Variants in ARHGEF4 observed in about 807,000 individuals in gnomAD.
The protein encoded by ARHGEF4 is Rho guanine nucleotide exchange factor 4.
ARHGEF4 carries 119 observed loss-of-function variants against 162.0 expected under a neutral mutation model. The ratio of observed to expected loss-of-function variants is 0.73; its 90% CI spans 0.63 to 0.86. The LOEUF is 0.86. Ranked by LOEUF, ARHGEF4 falls within the 40% of genes least tolerant of loss-of-function variation. The probability of loss-of-function intolerance (pLI) is 0.00; values close to 1 mark genes in which losing one functional copy is unlikely to be tolerated. For missense variants in ARHGEF4, 2,488 were observed against 2,456.0 expected (o/e 1.01, Z -0.28); for synonymous variants, 1,014 against 979.9 (o/e 1.03, Z -0.65).
intron 1 of ARHGEF4, among the ~76,000 whole-genome samples, chr2:130,883,022 C>A (rs1451412865): frequency 6.6e-6 from 1 of 152,110 alleles, no homozygotes; most frequent in Non-Finnish European, 1.5e-5. Context: ...TGCCCCTCCT[C>A]ACCTTTGGTG....
intron 4 of ARHGEF4, among the ~76,000 whole-genome samples, chr2:130,975,089 G>T (rs1490182734): frequency 6.6e-6 from 1 of 152,178 alleles, no homozygotes; most frequent in Non-Finnish European, 1.5e-5. Flanking sequence ...TACATGGACG[G>T]ATGGACGTGC....
intron 5 of ARHGEF4, among the ~76,000 whole-genome samples, chr2:131,032,728 A>C (rs529760008): frequency 6.7e-6 from 1 of 149,564 alleles, no homozygotes; most frequent in South Asian, 2.1e-4. Context: ...TTCTGCTTGC[A>C]CCTCAGTCCT....
At chr2:130,873,796 C>G (rs1350125354) in intron 1 of ARHGEF4, among the ~76,000 whole-genome samples, 1 of 152,090 alleles carries the variant, frequency 6.6e-6, no homozygotes, top group Non-Finnish European at 1.5e-5. Context: ...GCAGGCCATA[C>G]TGTCTTGGAT....
At chr2:130,962,819 A>AG (rs1290087139) in intron 4 of ARHGEF4, among the ~76,000 whole-genome samples, 1 of 130,266 alleles carries the variant, frequency 7.7e-6, no homozygotes, top group South Asian at 2.8e-4. Flanking sequence ...CGGGGCGGGG[A>AG]GGGGGGCAGT....
chr2:130,880,983 CCTT>C (rs1679150821), intron 1 of ARHGEF4, among the ~76,000 whole-genome samples: 1 of 152,154 alleles, frequency 6.6e-6, no homozygotes, highest in African/African-American at 2.4e-5. Flanking sequence ...AAATCTCTTT[CCTT>C]CTTTGAGAGA....
Position 131,046,381 on chromosome 2 carries a change from A to G in ARHGEF4, c.*192A>G, listed in dbSNP as rs144553501. The stretch of plus-strand genomic sequence containing the variant: ...TTTTTCCCTGCTCCTGGTGCCCTGA[A>G]GAGACCAGCAAGGGGGCAGACCCCG... On this transcript the variant is annotated 3_prime_UTR_variant, in exon 14 of 14. Coordinates refer to ENST00000409359, the MANE Select transcript of ARHGEF4 (RefSeq NM_001367493.1). The G allele has an allele frequency of 3.2e-6, 2 of 630,118 alleles. No homozygotes were observed. The highest frequency in any genetic ancestry group is 5.7e-5 in the East Asian group (2 of 35,246). The allele number at this position is 630,118 out of a possible 1,614,324, so 39.0% of individuals were successfully genotyped here.
chr2:130,982,476 A>T (rs1401093950), intron 4 of ARHGEF4, among the ~76,000 whole-genome samples: 1 of 152,110 alleles, frequency 6.6e-6, no homozygotes, highest in Non-Finnish European at 1.5e-5. Flanking sequence ...ACAGAAAAAA[A>T]TTACATGTGA....
chr2:131,005,677 C>T (rs1269171963), intron 4 of ARHGEF4, among the ~76,000 whole-genome samples: 1 of 152,076 alleles, frequency 6.6e-6, no homozygotes, highest in Non-Finnish European at 1.5e-5. Context: ...GGCCTGTGTC[C>T]TCAGGTGGGA....
chr2:131,044,599 T>C, intron 12 of ARHGEF4, 57 bp downstream of exon 12: 1 of 1,519,076 alleles, frequency 6.6e-7, no homozygotes, highest in East Asian at 2.5e-5. Flanking sequence ...CGCTCCCGCC[T>C]GCCTGGCCGC....
At chr2:130,857,106 C>T (rs1681848535) in intron 1 of ARHGEF4, among the ~76,000 whole-genome samples, 1 of 152,086 alleles carries the variant, frequency 6.6e-6, no homozygotes, top group African/African-American at 2.4e-5. Context: ...GTGGCGGGTG[C>T]CTGTAGTCCC....
intron 4 of ARHGEF4, among the ~76,000 whole-genome samples, chr2:131,017,147 A>G (rs1688817174): frequency 6.6e-6 from 1 of 152,186 alleles, no homozygotes. Flanking sequence ...ATTCACCTGC[A>G]TACACCGTGG....
At chr2:131,045,645 T>TA (rs1691192402) in intron 13 of ARHGEF4, 199 bp downstream of exon 13, 1 of 1,520,414 alleles carries the variant, frequency 6.6e-7, no homozygotes, top group African/African-American at 1.4e-5. Context: ...TTGACATTCT[T>TA]ACTCTCAACA....
chr2:131,043,443 T>A lies in ARHGEF4; in HGVS notation c.5026-9T>A. ...GCGAGGCTCATGGTTCTCCTTGGGA[T>A]CTTCCCAGGGAGAAGATCTCTTGGT... is the stretch of plus-strand genomic sequence containing the variant. On this transcript the variant is annotated splice_polypyrimidine_tract_variant and intron_variant, in intron 10 of 13. Transcript: ENST00000409359. 6.2e-7 allele frequency: 1 copy of A among 1,613,720 alleles called. No individual in the cohort carries two copies. Among genetic ancestry groups the A allele is most frequent in the Non-Finnish European group, 8.5e-7 (1 of 1,179,922 alleles).
At chr2:130,889,744 G>A (rs1323847040) in intron 1 of ARHGEF4, among the ~76,000 whole-genome samples, 7 of 150,320 alleles carry the variant, frequency 4.7e-5, no homozygotes, top group South Asian at 2.1e-4. Context: ...CCTGGGAGGC[G>A]GAGGTTGCAG....
At chr2:130,913,724 C>T (rs548134932) in intron 1 of ARHGEF4, among the ~76,000 whole-genome samples, 44 of 152,298 alleles carry the variant, frequency 2.9e-4, no homozygotes, top group Non-Finnish European at 5.4e-4. Flanking sequence ...CGCACATGTG[C>T]GTTGGTCCGG....
chr2:130,962,015 C>T (rs1161791241), intron 4 of ARHGEF4, among the ~76,000 whole-genome samples: 3 of 151,938 alleles, frequency 2.0e-5, no homozygotes, highest in South Asian at 2.1e-4. Flanking sequence ...CCGAGGCGGG[C>T]GGATCACGAG....
chr2:130,922,159 T>G (rs1681911679), intron 2 of ARHGEF4, among the ~76,000 whole-genome samples: 1 of 151,760 alleles, frequency 6.6e-6, no homozygotes, highest in Admixed American at 6.6e-5. Flanking sequence ...CACCTGAGGT[T>G]AGGGGTTCGA....
At chr2:130,999,381 C>A (rs943589968) in intron 4 of ARHGEF4, among the ~76,000 whole-genome samples, 2 of 152,050 alleles carry the variant, frequency 1.3e-5, no homozygotes, top group African/African-American at 4.8e-5. Flanking sequence ...TGGTCTCGAT[C>A]TCCTGACCTT....
chr2:131,038,597 C>A (rs1690494898), intron 5 of ARHGEF4, among the ~76,000 whole-genome samples: 1 of 152,228 alleles, frequency 6.6e-6, no homozygotes, highest in Admixed American at 6.5e-5. Flanking sequence ...GAGCAGTTGG[C>A]AGTCCCAGTG....
Sources: gnomAD v4.1 joint callset for allele counts (sites outside exome capture counted in the v4.1 genomes callset) on GRCh38, gnomAD v4.1.1 for gene constraint, MANE v1.5 for transcripts, NCBI Gene and HGNC (gene_info 2026-07-23, HGNC 2026-07-21) for gene names.